PHF24: variants seen among roughly 807,000 people sequenced by gnomAD.
The protein encoded by PHF24 is Galpha inhibitory interacting protein.
A neutral mutation model predicts 42.6 loss-of-function variants in PHF24; 25 were observed. The observed-to-expected ratio is 0.59, with a 90% CI of 0.43 to 0.82. The LOEUF is 0.82. Ranked by LOEUF, PHF24 falls within the 40% of genes least tolerant of loss-of-function variation. The pLI, the probability that PHF24 is intolerant of heterozygous loss-of-function variation, is 0.00. For synonymous variants in PHF24, 185 were observed against 204.8 expected (o/e 0.90, Z 0.83); for missense variants, 470 against 538.1 (o/e 0.87, Z 1.25).
At chr9:34,741,901 G>T in the PHF24 span, among the ~76,000 whole-genome samples, 2 of 152,080 alleles carry the variant, frequency 1.3e-5, no homozygotes, top group Non-Finnish European at 2.9e-5. Context: ...TTTTAAATGG[G>T]GGGGTGGGGA....
At chr9:34,880,946 C>A in the PHF24 span, among the ~76,000 whole-genome samples, 2 of 152,168 alleles carry the variant, frequency 1.3e-5, no homozygotes, top group Non-Finnish European at 2.9e-5. Context: ...AAGTTGACCA[C>A]ATAGTTGGAA....
chr9:34,960,310 T>C, intron 1 of PHF24, among the ~76,000 whole-genome samples: 1 of 152,220 alleles, frequency 6.6e-6, no homozygotes, highest in East Asian at 1.9e-4. Context: ...CTTTGGCTCC[T>C]GGAATTACAT....
At chr9:34,822,946 C>T in the PHF24 span, among the ~76,000 whole-genome samples, 1 of 151,898 alleles carries the variant, frequency 6.6e-6, no homozygotes, top group Non-Finnish European at 1.5e-5. Flanking sequence ...CCTGTAGTCC[C>T]AGCACTTTGG....
the PHF24 span, among the ~76,000 whole-genome samples, chr9:34,913,767 G>A: frequency 6.6e-6 from 1 of 152,164 alleles, no homozygotes; most frequent in South Asian, 2.1e-4. Context: ...GGCACAGTAG[G>A]TAAAGAGAGC....
the PHF24 span, among the ~76,000 whole-genome samples, chr9:34,921,714 A>T: frequency 6.6e-6 from 1 of 152,216 alleles, no homozygotes; most frequent in South Asian, 2.1e-4. Flanking sequence ...ATGGTTTAAC[A>T]TGTGGTATCT....
chr9:34,883,576 AAAG>A, the PHF24 span, among the ~76,000 whole-genome samples: 2 of 152,252 alleles, frequency 1.3e-5, no homozygotes, highest in African/African-American at 4.8e-5. Context: ...ACACTTCTCA[AAAG>A]AAGACATTTA....
At chr9:34,975,521 A>G (rs1384584477) in intron 3 of PHF24, among the ~76,000 whole-genome samples, 1 of 152,142 alleles carries the variant, frequency 6.6e-6, no homozygotes. Context: ...TAGTTTAAAG[A>G]CTGTATGGTA....
chr9:34,936,684 C>T, the PHF24 span, among the ~76,000 whole-genome samples: 24 of 151,858 alleles, frequency 1.6e-4, no homozygotes, highest in Admixed American at 1.4e-3. Context: ...GCCCGGCCAC[C>T]CATCGTCTGA....
chr9:34,879,753 G>T, the PHF24 span, among the ~76,000 whole-genome samples: 536 of 152,276 alleles, frequency 3.5e-3, 2 homozygotes, highest in African/African-American at 0.012. Flanking sequence ...CGGGGAGAAT[G>T]GAACCAAGTT....
the PHF24 span, among the ~76,000 whole-genome samples, chr9:34,778,759 A>G: frequency 6.6e-6 from 1 of 152,218 alleles, no homozygotes; most frequent in Admixed American, 6.5e-5. Context: ...ATTATAAATC[A>G]ACTAGACCTA....
the PHF24 span, among the ~76,000 whole-genome samples, chr9:34,893,636 A>G: frequency 6.6e-6 from 1 of 151,856 alleles, no homozygotes; most frequent in Admixed American, 6.6e-5. Context: ...GAAAAAGAAA[A>G]AGCCATTTGG....
the PHF24 span, among the ~76,000 whole-genome samples, chr9:34,912,789 C>A: frequency 1.3e-5 from 2 of 152,122 alleles, no homozygotes; most frequent in South Asian, 4.1e-4. Flanking sequence ...ATTTAGTACA[C>A]AAAATGTCTA....
the PHF24 span, among the ~76,000 whole-genome samples, chr9:34,773,754 C>G: frequency 1.3e-5 from 2 of 152,086 alleles, no homozygotes; most frequent in Non-Finnish European, 2.9e-5. Flanking sequence ...AAACAAATTC[C>G]AGTAGAGGAG....
the PHF24 span, among the ~76,000 whole-genome samples, chr9:34,843,243 A>G: frequency 6.6e-6 from 1 of 152,236 alleles, no homozygotes; most frequent in Non-Finnish European, 1.5e-5. Flanking sequence ...TAATGTAAAA[A>G]TATTAGATTG....
At chr9:34,806,485 G>A in the PHF24 span, among the ~76,000 whole-genome samples, 1 of 152,164 alleles carries the variant, frequency 6.6e-6, no homozygotes, top group African/African-American at 2.4e-5. Flanking sequence ...TTGAGACAGA[G>A]TCTCACTCTG....
chr9:34,789,546 G>A, the PHF24 span, among the ~76,000 whole-genome samples: 334 of 152,218 alleles, frequency 2.2e-3, 1 homozygote, highest in African/African-American at 7.0e-3. Flanking sequence ...AGTTGGAGTG[G>A]GCCAGTGTCA....
chr9:34,801,226 A>T, the PHF24 span, among the ~76,000 whole-genome samples: 1 of 152,216 alleles, frequency 6.6e-6, no homozygotes. Context: ...ACCATTGTGG[A>T]AGACAGTGTG....
chr9:34,844,469 GT>G, the PHF24 span, among the ~76,000 whole-genome samples: 1 of 151,966 alleles, frequency 6.6e-6, no homozygotes, highest in Non-Finnish European at 1.5e-5. Flanking sequence ...CATTTCATAA[GT>G]TTTGATATTG....
At position 34,977,071 on chromosome 9, in the gene PHF24, C is replaced by T. The variant is rs767046347; in HGVS notation, c.850-12C>T. ...TATCTTCACCTCTAAGATCTTGTCT[C>T]TTCTTCCCCAGAACTCTCTGTTGAG... is the stretch of plus-strand genomic sequence containing the variant. On this transcript the variant is annotated splice_polypyrimidine_tract_variant and intron_variant, in intron 5 of 7. Transcript: ENST00000242315. 5 of 1,576,954 alleles carry T rather than the reference C, an allele frequency of 3.2e-6. No individual in the cohort carries two copies. The highest frequency in any genetic ancestry group is 4.3e-6 in the Non-Finnish European group (5 of 1,160,590).
Sources: allele counts gnomAD v4.1 joint callset (sites outside exome capture counted in the v4.1 genomes callset), GRCh38; gene constraint gnomAD v4.1.1; transcripts MANE v1.5; gene names NCBI Gene and HGNC (gene_info 2026-07-23, HGNC 2026-07-21).